The following EFNA5 variants were observed in gnomAD, a reference collection of about 807,000 sequenced individuals.
EFNA5 encodes the protein ephrin-A5.
In EFNA5, 5 loss-of-function variants were observed where a neutral mutation model predicts 22.9. That is an observed-to-expected ratio of 0.22 (90% CI 0.11 to 0.46). The LOEUF is 0.46. Ranked by LOEUF, EFNA5 falls within the 20% of genes least tolerant of loss-of-function variation. EFNA5 has a pLI of 0.99. For synonymous variants in EFNA5, 113 were observed against 112.2 expected (o/e 1.01, Z -0.04); for missense variants, 237 against 293.3 (o/e 0.81, Z 1.40).
intron 2 of EFNA5, among the ~76,000 whole-genome samples, chr5:107,392,318 A>G (rs746553095): frequency 4.6e-5 from 7 of 152,204 alleles, no homozygotes; most frequent in Non-Finnish European, 8.8e-5. Flanking sequence ...TGATTGTTAC[A>G]AAAGACTGTA....
chr5:107,544,711 C>T (rs1293189364), intron 1 of EFNA5, among the ~76,000 whole-genome samples: 1 of 152,208 alleles, frequency 6.6e-6, no homozygotes, highest in African/African-American at 2.4e-5. Context: ...GCACTCGTCA[C>T]GTCACCCCAT....
At chr5:107,526,471 G>A (rs1182141438) in intron 1 of EFNA5, among the ~76,000 whole-genome samples, 1 of 152,226 alleles carries the variant, frequency 6.6e-6, no homozygotes. Flanking sequence ...AAACAGCCCA[G>A]ACTTGATTGG....
intron 2 of EFNA5, among the ~76,000 whole-genome samples, chr5:107,412,542 T>G (rs1417158582): frequency 6.6e-6 from 1 of 152,040 alleles, no homozygotes; most frequent in African/African-American, 2.4e-5. Flanking sequence ...TACAGCTGAG[T>G]TTTTCAATTT....
rs796272956 is a variant in EFNA5, at chr5:107,641,021, T to TAGATAGATAGACAGAC, written c.125+29467_125+29468insGTCTGTCTATCTATCT. ...ATAGATAGATAGATAGATAGATAGA[T>TAGATAGATAGACAGAC]AGACAGACAGACAGACAGATAGATA... On this transcript the variant is annotated intron_variant, in intron 1 of 4. Coordinates refer to ENST00000333274, the MANE Select transcript of EFNA5 (RefSeq NM_001962.3). Among the ~76,000 whole-genome samples the TAGATAGATAGACAGAC allele has an allele frequency of 3.8e-3, 421 of 111,984 alleles. 4 individuals are homozygous for TAGATAGATAGACAGAC. Among genetic ancestry groups the TAGATAGATAGACAGAC allele is most frequent in the African/African-American group, 0.012 (405 of 33,018 alleles). The allele number at this position is 111,984 out of a possible 152,430, so 73.5% of individuals were successfully genotyped here. A position where few individuals can be genotyped will look rare whatever the true frequency, so the allele number is the denominator to read the frequency against.
At chr5:107,458,634 T>C (rs544050741) in intron 1 of EFNA5, among the ~76,000 whole-genome samples, 32 of 152,104 alleles carry the variant, frequency 2.1e-4, no homozygotes, top group Middle Eastern at 3.4e-3. Context: ...TAAAAAAAAA[T>C]TGTGATACAG....
At chr5:107,522,254 G>A (rs1289205341) in intron 1 of EFNA5, among the ~76,000 whole-genome samples, 1 of 152,166 alleles carries the variant, frequency 6.6e-6, no homozygotes, top group Non-Finnish European at 1.5e-5. Flanking sequence ...ATCTGTACAT[G>A]TTTTATTAGT....
At chr5:107,551,751 C>T (rs963977096) in intron 1 of EFNA5, among the ~76,000 whole-genome samples, 4 of 152,162 alleles carry the variant, frequency 2.6e-5, no homozygotes, top group African/African-American at 9.7e-5. Flanking sequence ...CATTCCGTCT[C>T]TTTCCTGTCC....
At chr5:107,425,273 T>C (rs1748781417) in intron 2 of EFNA5, among the ~76,000 whole-genome samples, 1 of 152,212 alleles carries the variant, frequency 6.6e-6, no homozygotes, top group South Asian at 2.1e-4. Flanking sequence ...AATCAGGCAA[T>C]CAACTAGTTA....
chr5:107,380,970 A>G lies in EFNA5; in HGVS notation c.*285T>C. On this transcript the variant is annotated 3_prime_UTR_variant, in exon 5 of 5. Coordinates refer to ENST00000333274, the MANE Select transcript of EFNA5 (RefSeq NM_001962.3). ...GAGCTGACGAACCACTGGTGTCACT[A>G]TGACAATTTGGCATTTTCATCTGGA... 1 of 311,010 alleles carries G rather than the reference A, an allele frequency of 3.2e-6. No homozygotes were observed. The highest frequency in any genetic ancestry group is 6.1e-6 in the Non-Finnish European group (1 of 164,970). 19.3% of individuals were successfully genotyped at this position (311,010 alleles called of 1,614,324 possible). A position where few individuals can be genotyped will look rare whatever the true frequency, so the allele number is the denominator to read the frequency against.
intron 1 of EFNA5, among the ~76,000 whole-genome samples, chr5:107,444,477 G>A (rs1487791442): frequency 6.6e-6 from 1 of 152,202 alleles, no homozygotes; most frequent in African/African-American, 2.4e-5. Context: ...AGTGTAAGTA[G>A]AAATTATGGG....
chr5:107,570,299 C>G (rs777514532), intron 1 of EFNA5, among the ~76,000 whole-genome samples: 2 of 152,222 alleles, frequency 1.3e-5, no homozygotes, highest in Non-Finnish European at 2.9e-5. Context: ...CATTTCACAT[C>G]AACAGACACA....
chr5:107,588,274 GC>G (rs1749238567), intron 1 of EFNA5, among the ~76,000 whole-genome samples: 1 of 151,750 alleles, frequency 6.6e-6, no homozygotes, highest in South Asian at 2.1e-4. Context: ...AGGTCCACTG[GC>G]CTATTGTTCC....
intron 1 of EFNA5, among the ~76,000 whole-genome samples, chr5:107,537,920 C>A (rs1747961334): frequency 6.6e-6 from 1 of 152,170 alleles, no homozygotes; most frequent in African/African-American, 2.4e-5. Flanking sequence ...GCACATAATA[C>A]ACTGGAGTAT....
chr5:107,493,954 G>T (rs1418089129), intron 1 of EFNA5, among the ~76,000 whole-genome samples: 2 of 152,218 alleles, frequency 1.3e-5, no homozygotes, highest in African/African-American at 4.8e-5. Flanking sequence ...ACGGAAGCAG[G>T]CTGGCTCCAG....
intron 1 of EFNA5, among the ~76,000 whole-genome samples, chr5:107,654,586 T>A (rs1750788656): frequency 6.6e-6 from 1 of 152,094 alleles, no homozygotes; most frequent in African/African-American, 2.4e-5. Flanking sequence ...TTGCAACATT[T>A]CCATAAGAAC....
At chr5:107,551,633 A>T (rs1286309730) in intron 1 of EFNA5, among the ~76,000 whole-genome samples, 4 of 151,864 alleles carry the variant, frequency 2.6e-5, no homozygotes. Flanking sequence ...TACTTTAGCA[A>T]CTCCCTGCCG....
intron 1 of EFNA5, among the ~76,000 whole-genome samples, chr5:107,489,422 T>C (rs1357802669): frequency 6.6e-6 from 1 of 152,104 alleles, no homozygotes; most frequent in Non-Finnish European, 1.5e-5. Flanking sequence ...CTGCCTGCCC[T>C]GGCCTCCCAA....
intron 2 of EFNA5, among the ~76,000 whole-genome samples, chr5:107,417,714 A>G (rs1032013048): frequency 6.6e-6 from 1 of 152,152 alleles, no homozygotes; most frequent in African/African-American, 2.4e-5. Flanking sequence ...GAGCCTAGAG[A>G]TATTTTTTTA....
chr5:107,631,256 A>AACACACAC (rs10616989), intron 1 of EFNA5, among the ~76,000 whole-genome samples: 3,014 of 145,722 alleles, frequency 0.021, 55 homozygotes, highest in African/African-American at 0.051. Flanking sequence ...CCTGACTACA[A>AACACACAC]ACACACACAC....
Sources: allele counts gnomAD v4.1 joint callset (sites outside exome capture counted in the v4.1 genomes callset), GRCh38; gene constraint gnomAD v4.1.1; transcripts MANE v1.5; gene names NCBI Gene and HGNC (gene_info 2026-07-23, HGNC 2026-07-21).